The following TMEM163 variants were observed in gnomAD, a reference collection of about 807,000 sequenced individuals.
TMEM163 encodes the protein transmembrane protein 163.
In TMEM163, 17 loss-of-function variants were observed where a neutral mutation model predicts 29.3. That is an observed-to-expected ratio of 0.58 (90% CI 0.40 to 0.87). The LOEUF is 0.87. Ranked by LOEUF, TMEM163 falls within the 40% of genes least tolerant of loss-of-function variation. TMEM163 has a pLI of 0.00. For missense variants in TMEM163, 303 were observed against 381.5 expected (o/e 0.79, Z 1.71); for synonymous variants, 157 against 160.6 (o/e 0.98, Z 0.17).
At chr2:134,662,019 C>A (rs1211086999) in intron 2 of TMEM163, among the ~76,000 whole-genome samples, 1 of 149,652 alleles carries the variant, frequency 6.7e-6, no homozygotes, top group African/African-American at 2.5e-5. Flanking sequence ...GTAAGCTCCA[C>A]CTCCCGGGTT....
chr2:134,489,999 C>T (rs1222002862), intron 5 of TMEM163, among the ~76,000 whole-genome samples: 3 of 152,260 alleles, frequency 2.0e-5, no homozygotes, highest in Admixed American at 1.3e-4. Flanking sequence ...CATGAATTCA[C>T]TCATTCAGCA....
intron 2 of TMEM163, among the ~76,000 whole-genome samples, chr2:134,708,296 G>C (rs1684860627): frequency 6.6e-6 from 1 of 152,214 alleles, no homozygotes. Flanking sequence ...TGTCAGATGA[G>C]AGAACACCTA....
chr2:134,637,123 T>C (rs1683121506), intron 2 of TMEM163, among the ~76,000 whole-genome samples: 1 of 152,252 alleles, frequency 6.6e-6, no homozygotes, highest in African/African-American at 2.4e-5. Flanking sequence ...ATTAGCTCTG[T>C]CTAGGCAGCA....
intron 2 of TMEM163, among the ~76,000 whole-genome samples, chr2:134,711,884 C>T (rs934974326): frequency 6.6e-6 from 1 of 152,186 alleles, no homozygotes; most frequent in Non-Finnish European, 1.5e-5. Context: ...AATCACCTCC[C>T]TTCATTCCTT....
At chr2:134,587,992 G>A (rs1431082815) in intron 2 of TMEM163, among the ~76,000 whole-genome samples, 1 of 152,206 alleles carries the variant, frequency 6.6e-6, no homozygotes, top group East Asian at 1.9e-4. Context: ...GTTACAGAAG[G>A]CCAGAGAAAA....
chr2:134,509,346 C>G (rs1034682934), intron 4 of TMEM163, among the ~76,000 whole-genome samples: 4 of 152,162 alleles, frequency 2.6e-5, no homozygotes, highest in African/African-American at 9.7e-5. Context: ...CCAGAGGGGC[C>G]GTTGCCCAAG....
chr2:134,513,723 G>C (rs1490601779), intron 4 of TMEM163, among the ~76,000 whole-genome samples: 2 of 152,154 alleles, frequency 1.3e-5, no homozygotes, highest in Non-Finnish European at 2.9e-5. Flanking sequence ...CTCCCTCCAA[G>C]CTCCATTCTC....
chr2:134,538,807 C>T (rs1464885858), intron 4 of TMEM163, among the ~76,000 whole-genome samples: 1 of 152,132 alleles, frequency 6.6e-6, no homozygotes, highest in Admixed American at 6.5e-5. Context: ...TAGACAGTGG[C>T]TGCGTGGGGC....
intron 2 of TMEM163, among the ~76,000 whole-genome samples, chr2:134,570,507 T>TATACATATACAC (rs1477996648): frequency 1.6e-5 from 2 of 127,086 alleles, no homozygotes; most frequent in African/African-American, 5.9e-5. Context: ...TACATATACA[T>TATACATATACAC]ATACATATAC....
In TMEM163 at chr2:134,525,171, A is replaced by G. The variant is rs1005964904; in HGVS notation, c.459-22174T>C. Reference sequence around the variant, plus strand: ...TGAACTATAAGAATCACCGTCTTCAAAAGGATAAATTAGTGCTACTCAAAG... The same window carrying G: ...TGAACTATAAGAATCACCGTCTTCAGAAGGATAAATTAGTGCTACTCAAAG... On this transcript the variant is annotated intron_variant, in intron 4 of 7. Coordinates refer to ENST00000281924, the MANE Select transcript of TMEM163 (RefSeq NM_030923.5). Among the ~76,000 whole-genome samples, 3 of 152,190 alleles carry G rather than the reference A, an allele frequency of 2.0e-5. No individual in the cohort carries two copies. The East Asian group carries it at 5.8e-4, about 29-fold the overall frequency.
intron 2 of TMEM163, among the ~76,000 whole-genome samples, chr2:134,691,686 T>C (rs1684471605): frequency 6.6e-6 from 1 of 152,182 alleles, no homozygotes; most frequent in Non-Finnish European, 1.5e-5. Context: ...GCCCATCTCT[T>C]GGCAACCTGG....
At chr2:134,541,055 T>G (rs1680653172) in intron 4 of TMEM163, among the ~76,000 whole-genome samples, 1 of 152,192 alleles carries the variant, frequency 6.6e-6, no homozygotes, top group African/African-American at 2.4e-5. Flanking sequence ...AAAACACCCA[T>G]GGCATTGCAG....
At chr2:134,514,828 G>A (rs1330795683) in intron 4 of TMEM163, among the ~76,000 whole-genome samples, 1 of 152,156 alleles carries the variant, frequency 6.6e-6, no homozygotes, top group Non-Finnish European at 1.5e-5. Context: ...CTGTACCTGC[G>A]CAGAAACTTT....
At chr2:134,576,606 C>A (rs906917522) in intron 2 of TMEM163, among the ~76,000 whole-genome samples, 1 of 152,146 alleles carries the variant, frequency 6.6e-6, no homozygotes, top group African/African-American at 2.4e-5. Flanking sequence ...CAAAAAGGAA[C>A]CAAGAGGAGA....
At chr2:134,591,427 C>A (rs1249825101) in intron 2 of TMEM163, among the ~76,000 whole-genome samples, 1 of 152,204 alleles carries the variant, frequency 6.6e-6, no homozygotes, top group Non-Finnish European at 1.5e-5. Context: ...TTCTTTACTG[C>A]AACCTGTTTT....
intron 2 of TMEM163, among the ~76,000 whole-genome samples, chr2:134,697,019 G>A (rs1248572200): frequency 6.6e-6 from 1 of 152,000 alleles, no homozygotes; most frequent in African/African-American, 2.4e-5. Context: ...CAGGTGATCT[G>A]CCCACCTTGA....
At chr2:134,464,587 G>A (rs1686621176) in intron 6 of TMEM163, among the ~76,000 whole-genome samples, 1 of 152,108 alleles carries the variant, frequency 6.6e-6, no homozygotes, top group African/African-American at 2.4e-5. Flanking sequence ...GCTCTTCCGA[G>A]GGTAGCCATG....
chr2:134,717,029 C>T (rs890313520), intron 1 of TMEM163, among the ~76,000 whole-genome samples: 1 of 152,168 alleles, frequency 6.6e-6, no homozygotes, highest in Non-Finnish European at 1.5e-5. Context: ...AATGAAATTC[C>T]GTTGACCAGA....
intron 6 of TMEM163, 69 bp downstream of exon 6, chr2:134,466,045 A>G: frequency 8.8e-7 from 1 of 1,137,878 alleles, no homozygotes; most frequent in African/African-American, 1.5e-5. Context: ...CAACTAAAAG[A>G]GACCCAAACA....
Sources: gnomAD v4.1 joint callset for allele counts (sites outside exome capture counted in the v4.1 genomes callset) on GRCh38, gnomAD v4.1.1 for gene constraint, MANE v1.5 for transcripts, NCBI Gene and HGNC (gene_info 2026-07-23, HGNC 2026-07-21) for gene names.